Variants in DSTYK observed in about 807,000 individuals in gnomAD.
DSTYK encodes dual serine/threonine and tyrosine protein kinase.
Under a neutral mutation model 98.7 loss-of-function variants are expected in DSTYK, and 34 were observed. The ratio of observed to expected loss-of-function variants is 0.34; its 90% CI spans 0.26 to 0.46. The LOEUF is 0.46. DSTYK is among the 20% of genes least tolerant of loss of function. The pLI, the probability that DSTYK is intolerant of heterozygous loss-of-function variation, is 1.00. For synonymous variants in DSTYK, 462 were observed against 457.3 expected, an observed-to-expected ratio of 1.01 and a Z score of -0.13; for missense variants, 962 against 1,181.7, an observed-to-expected ratio of 0.81 and a Z score of 2.73.
At chr1:205,185,682 A>G (rs182605120) in intron 2 of DSTYK, among the ~76,000 whole-genome samples, 1 of 152,374 alleles carries the variant, frequency 6.6e-6, no homozygotes, top group East Asian at 1.9e-4. Flanking sequence ...ATATGTGTAT[A>G]TATGTACTGG....
chr1:205,195,578 G>A (rs932549526), intron 1 of DSTYK, among the ~76,000 whole-genome samples: 1 of 152,172 alleles, frequency 6.6e-6, no homozygotes, highest in Non-Finnish European at 1.5e-5. Flanking sequence ...AGTAGTACAC[G>A]CTATTTCTTT....
At chr1:205,177,549 C>A (rs1174478523) in intron 2 of DSTYK, among the ~76,000 whole-genome samples, 2 of 152,116 alleles carry the variant, frequency 1.3e-5, no homozygotes, top group Non-Finnish European at 2.9e-5. Flanking sequence ...AAAATACCTC[C>A]CTATTTTTGT....
intron 1 of DSTYK, among the ~76,000 whole-genome samples, chr1:205,191,516 T>C (rs758524534): frequency 2.0e-5 from 3 of 152,232 alleles, no homozygotes; most frequent in Admixed American, 6.5e-5. Context: ...GGAGTTGGAT[T>C]AGATAATCTT....
intron 2 of DSTYK, among the ~76,000 whole-genome samples, chr1:205,170,816 A>G (rs1658038219): frequency 6.6e-6 from 1 of 152,110 alleles, no homozygotes; most frequent in Non-Finnish European, 1.5e-5. Flanking sequence ...CTACCAGGAA[A>G]TATGTCCTTT....
At chr1:205,210,665 G>A (rs754253024) in intron 1 of DSTYK, among the ~76,000 whole-genome samples, 8 of 152,186 alleles carry the variant, frequency 5.3e-5, no homozygotes, top group African/African-American at 9.7e-5. Flanking sequence ...CCTTAAGCAT[G>A]AGCAACATCT....
chr1:205,199,552 A>C (rs993811004), intron 1 of DSTYK, among the ~76,000 whole-genome samples: 8 of 152,162 alleles, frequency 5.3e-5, no homozygotes, highest in African/African-American at 1.4e-4. Flanking sequence ...GTTCCATAGG[A>C]TCACCAAACT....
chr1:205,204,330 G>A (rs1170744918), intron 1 of DSTYK, among the ~76,000 whole-genome samples: 1 of 152,078 alleles, frequency 6.6e-6, no homozygotes, highest in Non-Finnish European at 1.5e-5. Flanking sequence ...ATTGGACTGG[G>A]AGCCTAGAGA....
At chr1:205,178,065 G>A (rs1658284261) in intron 2 of DSTYK, among the ~76,000 whole-genome samples, 1 of 152,058 alleles carries the variant, frequency 6.6e-6, no homozygotes, top group African/African-American at 2.4e-5. Flanking sequence ...TCCCTACCTA[G>A]TAAAAGCATC....
intron 6 of DSTYK, among the ~76,000 whole-genome samples, chr1:205,161,691 T>C (rs1269590699): frequency 1.3e-5 from 2 of 152,220 alleles, no homozygotes; most frequent in Non-Finnish European, 2.9e-5. Context: ...CCTTCTGTCA[T>C]TTGTTCCTAA....
chr1:205,159,863 C>T (rs1053003133), intron 8 of DSTYK, 184 bp from the exon 9 acceptor site: 14 of 819,590 alleles, frequency 1.7e-5, no homozygotes, highest in Non-Finnish European at 2.3e-5. Context: ...ATGAAGAATC[C>T]TGGATTCTAA....
chr1:205,148,433 A>G, intron 11 of DSTYK, 94 bp from the exon 12 acceptor site: 1 of 1,498,238 alleles, frequency 6.7e-7, no homozygotes, highest in Non-Finnish European at 9.1e-7. Context: ...GGCTTTTTCC[A>G]AAGCTTTTAA....
chr1:205,201,377 C>T (rs1276577046), intron 1 of DSTYK, among the ~76,000 whole-genome samples: 3 of 45,180 alleles, frequency 6.6e-5, no homozygotes, highest in Non-Finnish European at 1.5e-4. Flanking sequence ...TATGTACACA[C>T]AAAATTAAAA....
chr1:205,176,753 T>C (rs1658246543), intron 2 of DSTYK, among the ~76,000 whole-genome samples: 1 of 152,008 alleles, frequency 6.6e-6, no homozygotes, highest in Non-Finnish European at 1.5e-5. Flanking sequence ...AGTGACGCTA[T>C]TTTAAATGCC....
At chr1:205,178,546 C>T (rs770163506) in intron 2 of DSTYK, among the ~76,000 whole-genome samples, 32 of 152,160 alleles carry the variant, frequency 2.1e-4, no homozygotes, top group African/African-American at 4.8e-5. Flanking sequence ...TTTATAACAG[C>T]TTTCTCCTTT....
chr1:205,171,024 T>G (rs1217854333), intron 2 of DSTYK, among the ~76,000 whole-genome samples: 1 of 118,926 alleles, frequency 8.4e-6, no homozygotes, highest in African/African-American at 2.5e-5. Context: ...ACTTCTTTCA[T>G]GTAAGGAAAA....
chr1:205,166,992 C>T (rs976033773), intron 3 of DSTYK, among the ~76,000 whole-genome samples: 9 of 152,066 alleles, frequency 5.9e-5, no homozygotes, highest in African/African-American at 1.2e-4. Context: ...GGAAGTAGTC[C>T]GCAGTACATA....
At position 205,163,804 on chromosome 1, in the gene DSTYK, G is replaced by C. The variant is rs770083231; in HGVS notation, c.1476C>G (p.Val492=). 1.4e-5 allele frequency: 23 copies of C among 1,613,996 alleles called. 1 individual carries two copies. The Admixed American group carries it at 3.7e-4, about 26-fold the overall frequency. ...SSVDYLRESF[V]GTLERCLQSL... Reference sequence around the variant, plus strand: ...TCTGCAGACATCGTTCCAGGGTTCCGACGAAGCTTTCCCTCAGGTAATCCA... The same window carrying C: ...TCTGCAGACATCGTTCCAGGGTTCCCACGAAGCTTTCCCTCAGGTAATCCA... The change falls in exon 4 of 13, where the codon GTC becomes GTG. Residue 492 remains valine, a synonymous_variant. Transcript: ENST00000367162.
intron 1 of DSTYK, among the ~76,000 whole-genome samples, chr1:205,192,960 T>C (rs765154140): frequency 8.5e-5 from 13 of 152,164 alleles, no homozygotes; most frequent in Non-Finnish European, 1.8e-4. Flanking sequence ...CTACGCCACA[T>C]TGTTTTCCAG....
intron 10 of DSTYK, among the ~76,000 whole-genome samples, chr1:205,156,859 T>C (rs970272465): frequency 7.2e-5 from 11 of 152,152 alleles, no homozygotes; most frequent in African/African-American, 2.7e-4. Context: ...AATCTGCATG[T>C]GTTGTGGGAG....
Sources: gnomAD v4.1 joint callset for allele counts (sites outside exome capture counted in the v4.1 genomes callset) on GRCh38, gnomAD v4.1.1 for gene constraint, MANE v1.5 for transcripts, NCBI Gene and HGNC (gene_info 2026-07-23, HGNC 2026-07-21) for gene names.